The following FOCAD variants were observed in gnomAD, a reference collection of about 807,000 sequenced individuals.
FOCAD encodes the protein focadhesin.
FOCAD carries 198 observed loss-of-function variants against 225.6 expected under a neutral mutation model. The ratio of observed to expected loss-of-function variants is 0.88; its 90% CI spans 0.78 to 0.99. The LOEUF is 0.99. Among genes scored for constraint, FOCAD ranks in the 50% least tolerant of loss-of-function variants. FOCAD has a pLI of 0.00. For missense variants in FOCAD, 2,713 were observed against 2,123.6 expected (o/e 1.28, Z -5.46); for synonymous variants, 897 against 755.0 (o/e 1.19, Z -3.08).
chr9:20,716,070 T>G (rs112915556), intron 2 of FOCAD: 6 of 443,236 alleles, frequency 1.4e-5, no homozygotes, highest in Middle Eastern at 3.8e-4. Flanking sequence ...TTGGATACTT[T>G]CAACAATTAA....
chr9:20,916,968 T>C, intron 24 of FOCAD, 31 bp downstream of exon 24: 1 of 1,557,652 alleles, frequency 6.4e-7, no homozygotes, highest in Non-Finnish European at 8.7e-7. Flanking sequence ...TATCAAACAT[T>C]TTTTATAAAT....
At chr9:20,680,738 G>C (rs990545204), upstream of FOCAD, among the ~76,000 whole-genome samples, 2 of 152,088 alleles carry the variant, frequency 1.3e-5, no homozygotes, top group Non-Finnish European at 2.9e-5. Flanking sequence ...AGGCCGAGGC[G>C]GGAGGATAAC....
intron 13 of FOCAD, 110 bp from the exon 14 acceptor site, chr9:20,820,831 A>C: frequency 8.3e-7 from 1 of 1,203,638 alleles, no homozygotes; most frequent in Non-Finnish European, 1.2e-6. Context: ...CGACAGTATA[A>C]TTTGCAATGC....
chr9:20,867,117 C>G lies in FOCAD; in HGVS notation c.2190+105C>G, dbSNP rs1037052814. 9 of 659,592 alleles carry G rather than the reference C, an allele frequency of 1.4e-5. No individual in the cohort carries two copies. The African/African-American group carries it at 1.5e-4, about 11-fold the overall frequency. 40.9% of individuals were successfully genotyped at this position (659,592 alleles called of 1,614,324 possible). A position where few individuals can be genotyped will look rare whatever the true frequency, so the allele number is the denominator to read the frequency against. On this transcript the variant is annotated intron_variant, in intron 18 of 43. Coordinates refer to ENST00000338382, the MANE Select transcript of FOCAD (RefSeq NM_001375567.1). ...TTACCTGATGAATATATACATAACC[C>G]TAGATCTGTTGTCCATGCAAGATAC... is the stretch of plus-strand genomic sequence containing the variant.
At chr9:20,819,964 T>G (rs1378220905) in intron 12 of FOCAD, 64 bp downstream of exon 12, 5 of 1,013,226 alleles carry the variant, frequency 4.9e-6, no homozygotes. Context: ...TTGAATTCTT[T>G]TTGGTATTAT....
intron 15 of FOCAD, among the ~76,000 whole-genome samples, chr9:20,836,879 T>C (rs1181533306): frequency 1.3e-5 from 2 of 152,096 alleles, no homozygotes. Context: ...TTGACTGCTC[T>C]TTAATTGATT....
chr9:20,870,863 A>T (rs375319650), intron 18 of FOCAD, among the ~76,000 whole-genome samples: 9 of 152,210 alleles, frequency 5.9e-5, no homozygotes, highest in African/African-American at 2.2e-4. Context: ...CATAACCCCC[A>T]TCATGAATCA....
intron 6 of FOCAD, 138 bp from the exon 7 acceptor site, chr9:20,764,731 G>A (rs944204732): frequency 4.3e-6 from 3 of 701,970 alleles, no homozygotes; most frequent in African/African-American, 3.6e-5. Context: ...TAGCGGAATA[G>A]AAGAATCATA....
intron 5 of FOCAD, among the ~76,000 whole-genome samples, chr9:20,743,410 T>A (rs1430992675): frequency 1.3e-5 from 2 of 152,194 alleles, no homozygotes; most frequent in Non-Finnish European, 2.9e-5. Context: ...AATAGCTGAT[T>A]AATTTGAATC....
At position 20,703,311 on chromosome 9, in the gene FOCAD, C is replaced by T. The variant is rs572060368; in HGVS notation, c.-32-12011C>T. Among the ~76,000 whole-genome samples, 8 of 152,060 alleles carry T rather than the reference C, an allele frequency of 5.3e-5. No individual in the cohort carries two copies. The East Asian group carries it at 1.5e-3, about 29-fold the overall frequency. On this transcript the variant is annotated intron_variant, in intron 1 of 43. Coordinates refer to ENST00000338382, the MANE Select transcript of FOCAD (RefSeq NM_001375567.1). ...GCCTGAGAGTTCTAGACCCAGATGTCGAAGGAGCTGAGGGTGTGGTTGTCG... is the reference window on the plus strand; with the variant it reads ...GCCTGAGAGTTCTAGACCCAGATGTTGAAGGAGCTGAGGGTGTGGTTGTCG...
At chr9:20,708,366 T>C (rs780382764) in intron 1 of FOCAD, among the ~76,000 whole-genome samples, 4 of 152,216 alleles carry the variant, frequency 2.6e-5, no homozygotes, top group Non-Finnish European at 5.9e-5. Context: ...GTCCTGGATT[T>C]TGTGTCTCTA....
At chr9:20,702,053 G>T (rs1587266206) in intron 1 of FOCAD, among the ~76,000 whole-genome samples, 1 of 152,086 alleles carries the variant, frequency 6.6e-6, no homozygotes, top group African/African-American at 2.4e-5. Flanking sequence ...TGCTTTAATG[G>T]ATTATCTTAA....
intron 6 of FOCAD, among the ~76,000 whole-genome samples, chr9:20,760,099 A>G (rs1405008230): frequency 6.6e-6 from 1 of 152,116 alleles, no homozygotes; most frequent in South Asian, 2.1e-4. Context: ...CTCTGCCTCC[A>G]GTCTTGTCCT....
upstream of FOCAD, among the ~76,000 whole-genome samples, chr9:20,656,300 G>A (rs938576736): frequency 6.0e-4 from 91 of 151,830 alleles, no homozygotes; most frequent in South Asian, 0.018. Context: ...GGTCTGCTTG[G>A]TGCAAAGCTG....
intron 28 of FOCAD, among the ~76,000 whole-genome samples, chr9:20,933,692 T>C (rs1835695940): frequency 6.6e-6 from 1 of 152,198 alleles, no homozygotes; most frequent in African/African-American, 2.4e-5. Context: ...TGAAAGTACT[T>C]TTTTGTATAA....
chr9:20,826,358 C>T (rs948717752), intron 15 of FOCAD, among the ~76,000 whole-genome samples: 2 of 152,054 alleles, frequency 1.3e-5, no homozygotes, highest in African/African-American at 2.4e-5. Flanking sequence ...GCTTCCTGCC[C>T]TCGAACATCA....
intron 40 of FOCAD, among the ~76,000 whole-genome samples, chr9:20,987,078 G>C (rs1841243142): frequency 6.6e-6 from 1 of 152,170 alleles, no homozygotes; most frequent in African/African-American, 2.4e-5. Context: ...CTACATTCAA[G>C]TTCTGAATGG....
intron 15 of FOCAD, among the ~76,000 whole-genome samples, chr9:20,837,556 G>C (rs1376880967): frequency 2.0e-5 from 3 of 151,690 alleles, no homozygotes; most frequent in Non-Finnish European, 2.9e-5. Context: ...TTTTTTTTGG[G>C]AGGGGGGTTG....
chr9:20,879,466 G>GT (rs1159121472), intron 19 of FOCAD, among the ~76,000 whole-genome samples: 1 of 152,104 alleles, frequency 6.6e-6, no homozygotes, highest in Non-Finnish European at 1.5e-5. Flanking sequence ...ATTAGCACTA[G>GT]TTTTTTATAT....
Sources: allele counts gnomAD v4.1 joint callset (sites outside exome capture counted in the v4.1 genomes callset), GRCh38; gene constraint gnomAD v4.1.1; transcripts MANE v1.5; gene names NCBI Gene and HGNC (gene_info 2026-07-23, HGNC 2026-07-21).